The following ING3 variants were observed in gnomAD, a reference collection of about 807,000 sequenced individuals.
The protein encoded by ING3 is inhibitor of growth family member 3, also known as inhibitor of growth protein 3.
ING3 carries 6 observed loss-of-function variants against 64.8 expected under a neutral mutation model. The observed-to-expected ratio is 0.09, with a 90% CI of 0.05 to 0.18. The LOEUF is 0.18. ING3 is among the 10% of genes least tolerant of loss of function. The probability of loss-of-function intolerance (pLI) is 1.00; values close to 1 mark genes in which losing one functional copy is unlikely to be tolerated. For missense variants in ING3, 310 were observed against 489.7 expected (o/e 0.63, Z 3.46); for synonymous variants, 170 against 173.7 (o/e 0.98, Z 0.17).
In ING3 at chr7:120,976,752, C is replaced by G. The variant is rs1169730509; in HGVS notation, c.*1908C>G. ...GAGTCAGGAACATCCTGTTATCCAGCTGCTACATCCCCTTTCAGTGTGAAT... is the reference window on the plus strand; with the variant it reads ...GAGTCAGGAACATCCTGTTATCCAGGTGCTACATCCCCTTTCAGTGTGAAT... On this transcript the variant is annotated 3_prime_UTR_variant, in exon 12 of 12. Coordinates refer to ENST00000315870, the MANE Select transcript of ING3 (RefSeq NM_019071.3). The G allele has an allele frequency of 6.6e-6, 1 of 152,186 alleles. No individual in the cohort carries two copies. The highest frequency in any genetic ancestry group is 1.5e-5 in the Non-Finnish European group (1 of 68,014). 9.4% of individuals were successfully genotyped at this position (152,186 alleles called of 1,614,324 possible). A position where few individuals can be genotyped will look rare whatever the true frequency, so the allele number is the denominator to read the frequency against.
At chr7:120,956,487 A>T (rs1365281629) in intron 4 of ING3, 14 of 1,091,288 alleles carry the variant, frequency 1.3e-5, no homozygotes, top group Admixed American at 5.0e-5. Context: ...GTGAATTGTA[A>T]ATGCTTATAC....
At chr7:120,953,697 T>G (rs1795801880) in intron 3 of ING3, among the ~76,000 whole-genome samples, 1 of 152,216 alleles carries the variant, frequency 6.6e-6, no homozygotes, top group South Asian at 2.1e-4. Context: ...GATAGAGTAC[T>G]GTATTCCAGT....
At chr7:120,968,181 T>G in intron 8 of ING3, 90 bp downstream of exon 8, 1 of 1,130,770 alleles carries the variant, frequency 8.8e-7, no homozygotes, top group Non-Finnish European at 1.2e-6. Flanking sequence ...AACAAATAGT[T>G]TTCTAACGTT....
rs1223950750 is a variant in ING3 at position 120,976,489 on chromosome 7, A to G, written c.*1645A>G. 6.6e-6 allele frequency: 1 copy of G among 152,186 alleles called. No individual in the cohort carries two copies. The highest frequency in any genetic ancestry group is 6.5e-5 in the Admixed American group (1 of 15,272). The allele number at this position is 152,186 out of a possible 1,614,324, so 9.4% of individuals were successfully genotyped here. On this transcript the variant is annotated 3_prime_UTR_variant, in exon 12 of 12. Coordinates refer to ENST00000315870, the MANE Select transcript of ING3 (RefSeq NM_019071.3). ...CATTTGTGAGTACTCATCATTTCAT[A>G]ATATCATGATTATCACGATTTCATG...
chr7:120,967,817 A>T, intron 7 of ING3, 117 bp from the exon 8 acceptor site: 1 of 1,248,900 alleles, frequency 8.0e-7, no homozygotes, highest in African/African-American at 1.5e-5. Flanking sequence ...GACTTAATGT[A>T]CAAGTGACAT....
intron 5 of ING3, among the ~76,000 whole-genome samples, chr7:120,966,095 T>C (rs1344849306): frequency 2.0e-5 from 3 of 152,172 alleles, no homozygotes; most frequent in African/African-American, 7.2e-5. Context: ...TATTTAGAGG[T>C]ATTTTAAAGC....
chr7:120,952,399 A>G (rs756260443), intron 2 of ING3, among the ~76,000 whole-genome samples: 51 of 152,352 alleles, frequency 3.3e-4, no homozygotes, highest in Non-Finnish European at 6.6e-4. Context: ...ATCTGATACA[A>G]AGTAGGCATT....
intron 4 of ING3, among the ~76,000 whole-genome samples, chr7:120,959,652 T>C (rs1795903140): frequency 1.5e-5 from 2 of 134,632 alleles, no homozygotes. Flanking sequence ...TTTTTTTTTT[T>C]TTTTTTTTTT....
At chr7:120,973,794 A>C (rs1045415034) in intron 11 of ING3, among the ~76,000 whole-genome samples, 3 of 152,162 alleles carry the variant, frequency 2.0e-5, no homozygotes, top group African/African-American at 7.2e-5. Flanking sequence ...TTAGTTAGAG[A>C]TACGTTTTTT....
intron 4 of ING3, 37 bp downstream of exon 4, chr7:120,955,661 C>T: frequency 7.6e-7 from 1 of 1,315,438 alleles, no homozygotes; most frequent in Non-Finnish European, 1.1e-6. Flanking sequence ...GCCATAAGTA[C>T]TTGAATAACA....
chr7:120,971,764 A>G (rs1174792085), intron 10 of ING3, among the ~76,000 whole-genome samples: 1 of 152,102 alleles, frequency 6.6e-6, no homozygotes, highest in Non-Finnish European at 1.5e-5. Flanking sequence ...TTTAAATGTA[A>G]TCCATTTTAT....
rs530676908 is a variant in ING3, at chr7:120,953,232, C to T, written c.101-72C>T. ...TGTGTATTGTCAGATTTTTTCCCTC[C>T]CTAAATCAAACCATGTATATTTAGT... On this transcript the variant is annotated intron_variant, in intron 2 of 11. Transcript: ENST00000315870. The T allele has an allele frequency of 1.0e-5, 9 of 858,648 alleles. No individual in the cohort carries two copies. The East Asian group carries it at 2.5e-4, about 24-fold the overall frequency. 53.2% of individuals were successfully genotyped at this position (858,648 alleles called of 1,614,324 possible).
At chr7:120,974,667 T>C in intron 11 of ING3, 61 bp from the exon 12 acceptor site, 2 of 892,168 alleles carry the variant, frequency 2.2e-6, no homozygotes, top group Non-Finnish European at 3.7e-6. Context: ...GAGCATATTT[T>C]AATATACTCT....
At position 120,970,615 on chromosome 7, in the gene ING3, A is replaced by C. The variant is rs1796058114; in HGVS notation, c.909-73A>C. ...TACATTTGATGTCATTTCATTTTATACTATTTATTTAGGAGTTATTCTCAG... is the reference window on the plus strand; with the variant it reads ...TACATTTGATGTCATTTCATTTTATCCTATTTATTTAGGAGTTATTCTCAG... On this transcript the variant is annotated intron_variant, in intron 9 of 11. Transcript: ENST00000315870. 2.1e-6 allele frequency: 3 copies of C among 1,415,914 alleles called. No homozygotes were observed. In the Admixed American group the frequency reaches 5.9e-5, roughly 28 times the overall value. 87.7% of individuals were successfully genotyped at this position (1,415,914 alleles called of 1,614,324 possible).
rs367657969 is a variant in ING3 at position 120,970,750 on chromosome 7, C to T, written c.971C>T (p.Ser324Leu). ...SSSSSSSSLS[S>L]CSSSSTVVQE... ...TCCTCCTCCTCTTCTTCCTTATCAT[C>T]GTGTTCTTCATCATCAACTGTTGTA... is the stretch of plus-strand genomic sequence containing the variant. The change falls in exon 10 of 12, where the codon TCG becomes TTG. Residue 324 changes from serine (S) to leucine (L), a missense_variant. Transcript: ENST00000315870. The T allele has an allele frequency of 8.0e-5, 129 of 1,612,686 alleles. No homozygotes were observed. The highest frequency in any genetic ancestry group is 1.0e-4 in the Non-Finnish European group (119 of 1,178,866).
chr7:120,951,375 G>A lies in ING3; in HGVS notation c.100+140G>A, dbSNP rs536782017. The A allele has an allele frequency of 6.3e-4, 484 of 762,442 alleles. 7 individuals carry two copies. The South Asian group carries it at 7.7e-3, about 12-fold the overall frequency. The allele number at this position is 762,442 out of a possible 1,614,324, so 47.2% of individuals were successfully genotyped here. On this transcript the variant is annotated intron_variant, in intron 2 of 11. Transcript: ENST00000315870. ...GCATAAGGAGTTGTCAAAAAGAACT[G>A]GCAGCCCTGAATCTCGCCTTCCCCT... is the stretch of plus-strand genomic sequence containing the variant.
intron 4 of ING3, among the ~76,000 whole-genome samples, chr7:120,960,730 T>C (rs908676035): frequency 6.6e-6 from 1 of 152,218 alleles, no homozygotes; most frequent in Non-Finnish European, 1.5e-5. Context: ...AACTGACAGT[T>C]TATTTTAGTA....
chr7:120,956,950 AT>A (rs779329918), intron 4 of ING3: 26 of 447,212 alleles, frequency 5.8e-5, no homozygotes, highest in African/African-American at 4.2e-4. Flanking sequence ...TTTAGAAAAA[AT>A]ATAACATAAA....
intron 4 of ING3, chr7:120,956,113 T>G: frequency 1.6e-6 from 2 of 1,273,566 alleles, no homozygotes; most frequent in Admixed American, 3.4e-5. Flanking sequence ...GTCAGTTGTT[T>G]AAGCAATACA....
Sources: gnomAD v4.1 joint callset for allele counts (sites outside exome capture counted in the v4.1 genomes callset) on GRCh38, gnomAD v4.1.1 for gene constraint, MANE v1.5 for transcripts, NCBI Gene and HGNC (gene_info 2026-07-23, HGNC 2026-07-21) for gene names.